Variants in MYZAP observed in about 807,000 individuals in gnomAD.
MYZAP encodes GRINL1A complex locus upstream.
A neutral mutation model predicts 69.4 loss-of-function variants in MYZAP; 66 were observed. That is an observed-to-expected ratio of 0.95 (90% CI 0.78 to 1.17). The LOEUF (loss-of-function observed/expected upper bound fraction) is 1.17, where lower values mean the gene tolerates loss of function less well. Ranked by LOEUF, MYZAP falls within the 50% of genes most tolerant of loss-of-function variation. The probability of loss-of-function intolerance (pLI) is 0.00; values close to 1 mark genes in which losing one functional copy is unlikely to be tolerated. For synonymous variants in MYZAP, 256 were observed against 205.9 expected (o/e 1.24, Z -2.09); for missense variants, 611 against 556.2 (o/e 1.10, Z -0.99).
At chr15:57,623,276 C>T (rs1322749061) in intron 4 of MYZAP, among the ~76,000 whole-genome samples, 2 of 152,182 alleles carry the variant, frequency 1.3e-5, no homozygotes, top group East Asian at 1.9e-4. Context: ...TCAGCATTAT[C>T]GATCAAAATT....
intron 2 of MYZAP, among the ~76,000 whole-genome samples, chr15:57,607,646 C>T (rs74016325): frequency 1.4e-3 from 207 of 152,288 alleles, no homozygotes; most frequent in African/African-American, 4.8e-3. Flanking sequence ...AGCATATGCA[C>T]CAGGATACTT....
At chr15:57,621,970 C>T (rs1461139440) in intron 4 of MYZAP, among the ~76,000 whole-genome samples, 1 of 152,112 alleles carries the variant, frequency 6.6e-6, no homozygotes. Context: ...TATTATTTAA[C>T]ATTGTTCTTC....
At chr15:57,599,866 C>T (rs1188007827) in intron 1 of MYZAP, among the ~76,000 whole-genome samples, 1 of 152,148 alleles carries the variant, frequency 6.6e-6, no homozygotes, top group African/African-American at 2.4e-5. Context: ...ACCTTTTAGA[C>T]CTTTAGAATG....
At chr15:57,602,706 C>T (rs192674515) in intron 1 of MYZAP, among the ~76,000 whole-genome samples, 15 of 152,258 alleles carry the variant, frequency 9.9e-5, no homozygotes, top group Middle Eastern at 3.4e-3. Context: ...AAGTAAGCCC[C>T]GGAGACTGCC....
intron 10 of MYZAP, among the ~76,000 whole-genome samples, chr15:57,645,921 T>C (rs1415883207): frequency 6.6e-6 from 1 of 152,278 alleles, no homozygotes; most frequent in Non-Finnish European, 1.5e-5. Context: ...CTGCCATTTT[T>C]ACATGGTTCA....
intron 2 of MYZAP, among the ~76,000 whole-genome samples, chr15:57,613,016 C>A (rs1249155850): frequency 1.3e-5 from 2 of 152,140 alleles, no homozygotes; most frequent in Non-Finnish European, 2.9e-5. Flanking sequence ...ACTGCAAGCT[C>A]CACCTCCCGG....
intron 6 of MYZAP, 120 bp downstream of exon 6, chr15:57,629,974 T>TTTTTC: frequency 8.3e-7 from 1 of 1,202,146 alleles, no homozygotes; most frequent in Non-Finnish European, 1.1e-6. Flanking sequence ...TCATTGGATT[T>TTTTTC]TTTTTTTTTT....
At chr15:57,632,635 A>G in intron 7 of MYZAP, 76 bp downstream of exon 7, 1 of 1,577,912 alleles carries the variant, frequency 6.3e-7, no homozygotes, top group Non-Finnish European at 8.6e-7. Context: ...TATACGTAGT[A>G]GTGTTTATTC....
intron 10 of MYZAP, among the ~76,000 whole-genome samples, chr15:57,649,727 T>C (rs2037632478): frequency 6.6e-6 from 1 of 152,160 alleles, no homozygotes; most frequent in African/African-American, 2.4e-5. Flanking sequence ...TTTGGCTGTG[T>C]TGTGTGTCTT....
intron 5 of MYZAP, among the ~76,000 whole-genome samples, chr15:57,627,506 G>A (rs2036227897): frequency 6.6e-6 from 1 of 152,040 alleles, no homozygotes; most frequent in Non-Finnish European, 1.5e-5. Context: ...CACGGTGTTA[G>A]GCACTGATGC....
At chr15:57,629,094 A>C (rs1180877129) in intron 5 of MYZAP, among the ~76,000 whole-genome samples, 10 of 149,658 alleles carry the variant, frequency 6.7e-5, no homozygotes, top group Non-Finnish European at 1.0e-4. Context: ...AAAACAAAAA[A>C]AAAAAAAAAA....
intron 11 of MYZAP, among the ~76,000 whole-genome samples, chr15:57,673,337 C>G (rs187896758): frequency 1.3e-5 from 2 of 152,290 alleles, no homozygotes; most frequent in East Asian, 3.9e-4. Flanking sequence ...ACTGGAGTAT[C>G]CAGCAAAGGC....
At chr15:57,592,359 CCTTT>C (rs1162219173) in intron 1 of MYZAP, among the ~76,000 whole-genome samples, 1 of 152,204 alleles carries the variant, frequency 6.6e-6, no homozygotes, top group Non-Finnish European at 1.5e-5. Flanking sequence ...CTCCTTCCTG[CCTTT>C]CTGTCAAGCC....
intron 1 of MYZAP, among the ~76,000 whole-genome samples, chr15:57,593,317 C>T (rs1270822933): frequency 6.6e-6 from 1 of 152,030 alleles, no homozygotes; most frequent in East Asian, 1.9e-4. Flanking sequence ...AAGGGGGTTT[C>T]CAACCACAGT....
intron 10 of MYZAP, chr15:57,647,757 T>C: frequency 1.0e-6 from 1 of 985,458 alleles, no homozygotes; most frequent in African/African-American, 1.7e-5. Context: ...CCCTGGGTCC[T>C]AGGCTCATTG....
intron 2 of MYZAP, among the ~76,000 whole-genome samples, chr15:57,615,374 A>T (rs1269633103): frequency 3.9e-5 from 6 of 152,122 alleles, no homozygotes; most frequent in African/African-American, 1.2e-4. Context: ...CAACTTTGAG[A>T]CCTGGGCCAC....
At chr15:57,604,958 T>C (rs2034652871) in intron 2 of MYZAP, among the ~76,000 whole-genome samples, 1 of 152,194 alleles carries the variant, frequency 6.6e-6, no homozygotes, top group Non-Finnish European at 1.5e-5. Flanking sequence ...ATTTCAGGTG[T>C]TAAGATCCAG....
intron 1 of MYZAP, among the ~76,000 whole-genome samples, chr15:57,592,713 C>A (rs1377774750): frequency 6.6e-6 from 1 of 152,202 alleles, no homozygotes; most frequent in Non-Finnish European, 1.5e-5. Flanking sequence ...GGGACAGCAT[C>A]TCCAGGGAAG....
intron 12 of MYZAP, among the ~76,000 whole-genome samples, chr15:57,682,948 C>T (rs2039516456): frequency 6.6e-6 from 1 of 152,104 alleles, no homozygotes; most frequent in South Asian, 2.1e-4. Context: ...ATTGTTCTGC[C>T]CTCAATTTTC....
Sources: gnomAD v4.1 joint callset for allele counts (sites outside exome capture counted in the v4.1 genomes callset) on GRCh38, gnomAD v4.1.1 for gene constraint, MANE v1.5 for transcripts, NCBI Gene and HGNC (gene_info 2026-07-23, HGNC 2026-07-21) for gene names.